AP2A2: variants seen among roughly 807,000 people sequenced by gnomAD.
The protein encoded by AP2A2 is AP-2 complex subunit alpha-2.
AP2A2 carries 32 observed loss-of-function variants against 104.2 expected under a neutral mutation model. That is an observed-to-expected ratio of 0.31 (90% confidence interval 0.23 to 0.41). The LOEUF is 0.41. AP2A2 is among the 10% of genes least tolerant of loss of function. The pLI is 1.00. For synonymous variants in AP2A2, 539 were observed against 533.3 expected, an observed-to-expected ratio of 1.01 and a Z score of -0.15; for missense variants, 912 against 1,261.0, an observed-to-expected ratio of 0.72 and a Z score of 4.19.
chr11:932,724 C>T (rs1264086557), intron 1 of AP2A2: 2 of 456,188 alleles, frequency 4.4e-6, no homozygotes, highest in Non-Finnish European at 8.8e-6. Flanking sequence ...GTGGTCACTG[C>T]TTCTGGGACA....
At chr11:949,530 A>G (rs1345239959) in intron 1 of AP2A2, among the ~76,000 whole-genome samples, 1 of 152,164 alleles carries the variant, frequency 6.6e-6, no homozygotes, top group Non-Finnish European at 1.5e-5. Flanking sequence ...TAATCCCAGC[A>G]CTTTCGGAGG....
At chr11:981,629 G>T (rs1855245401) in intron 6 of AP2A2, among the ~76,000 whole-genome samples, 1 of 152,248 alleles carries the variant, frequency 6.6e-6, no homozygotes, top group Non-Finnish European at 1.5e-5. Context: ...TCAGCTTCCT[G>T]TTCTGAGTTT....
At chr11:1,010,162 CCTCT>C in intron 21 of AP2A2, 1 of 469,738 alleles carries the variant, frequency 2.1e-6, no homozygotes, top group South Asian at 3.2e-5. Flanking sequence ...CCCAGCTGTT[CCTCT>C]CTGTCACCGC....
chr11:992,457 T>C lies in AP2A2; in HGVS notation c.1270-46T>C. On this transcript the variant is annotated intron_variant, in intron 10 of 21. Coordinates refer to ENST00000448903, the MANE Select transcript of AP2A2 (RefSeq NM_012305.4). This position sits in a 1 kb window ranked among gnomAD's most constrained non-coding sequence, Gnocchi z 6.4. ...TTGGACGACAGTTTGGTCTTGGGAT[T>C]GCCATGGCCTGCAGGTGCCGGCCCT... 6.5e-7 allele frequency: 1 copy of C among 1,547,028 alleles called. No individual in the cohort carries two copies. Among genetic ancestry groups the C allele is most frequent in the South Asian group, 1.2e-5 (1 of 84,254 alleles).
chr11:958,680 C>T (rs1356069886), intron 1 of AP2A2, among the ~76,000 whole-genome samples: 1 of 152,096 alleles, frequency 6.6e-6, no homozygotes, highest in African/African-American at 2.4e-5. Context: ...TAGTACCTAA[C>T]CATATTTGCT....
In AP2A2 at chr11:993,956, C is replaced by T; in HGVS notation, c.1753C>T (p.Leu585Phe). ...GCAGCGTGCTGTGGAGTACCTGCGGCTCAGCACCGTGGCCAGCACCGACAT... is the reference window on the plus strand; with the variant it reads ...GCAGCGTGCTGTGGAGTACCTGCGGTTCAGCACCGTGGCCAGCACCGACAT... ...LQQRAVEYLR[L>F]STVASTDILA... The change falls in exon 13 of 22, where the codon CTC becomes TTC. Residue 585 changes from leucine (L) to phenylalanine (F), a missense_variant. Physicochemically the swap from Leu to Phe is conservative, Grantham distance 22 (BLOSUM62 0). Coordinates refer to ENST00000448903, the MANE Select transcript of AP2A2 (RefSeq NM_012305.4). This position sits in a 1 kb window ranked among gnomAD's most constrained non-coding sequence, Gnocchi z 8.2. The T allele has an allele frequency of 6.2e-7, 1 of 1,612,362 alleles. No homozygotes were observed. The highest frequency in any genetic ancestry group is 8.5e-7 in the Non-Finnish European group (1 of 1,179,540).
intron 1 of AP2A2, among the ~76,000 whole-genome samples, chr11:947,812 G>A (rs546277756): frequency 1.3e-5 from 2 of 152,014 alleles, no homozygotes; most frequent in East Asian, 3.9e-4. Flanking sequence ...AAAAAAATTA[G>A]CCAGGCCCAG....
chr11:1,011,125 C>A lies in AP2A2; in HGVS notation c.*500C>A, dbSNP rs774513303. On this transcript the variant is annotated 3_prime_UTR_variant, in exon 22 of 22. Transcript: ENST00000448903. The stretch of plus-strand genomic sequence containing the variant: ...AGCTGACCCTGGTTTTGCTGCAGTC[C>A]CAGCTGGACTGTTTTCCCAGGCAGG... 1.0e-5 allele frequency: 6 copies of A among 572,716 alleles called. No individual in the cohort carries two copies. Among genetic ancestry groups the A allele is most frequent in the Non-Finnish European group, 2.0e-5 (6 of 295,532 alleles). 35.5% of individuals were successfully genotyped at this position (572,716 alleles called of 1,614,324 possible).
intron 6 of AP2A2, among the ~76,000 whole-genome samples, chr11:981,584 A>G (rs2133693169): frequency 6.6e-6 from 1 of 152,278 alleles, no homozygotes; most frequent in African/African-American, 2.4e-5. Flanking sequence ...TGCTTCGTGG[A>G]CCCACCATCT....
chr11:1,009,936 A>C (rs1856364304), intron 21 of AP2A2, 119 bp downstream of exon 21: 1 of 1,293,674 alleles, frequency 7.7e-7, no homozygotes, highest in African/African-American at 1.5e-5. Flanking sequence ...ATGTTGTTTA[A>C]CCACCACCCT....
chr11:944,888 G>A (rs936288515), intron 1 of AP2A2, among the ~76,000 whole-genome samples: 2 of 125,174 alleles, frequency 1.6e-5, no homozygotes, highest in Non-Finnish European at 3.3e-5. Context: ...AGGTTGGGGG[G>A]AATGAAGGTG....
chr11:990,158 C>G (rs1404010436), intron 10 of AP2A2, among the ~76,000 whole-genome samples: 1 of 152,206 alleles, frequency 6.6e-6, no homozygotes, highest in African/African-American at 2.4e-5. Context: ...CTGCAGAGAG[C>G]AGGGGCCAGG....
chr11:996,831 G>A (rs779988652), intron 14 of AP2A2, among the ~76,000 whole-genome samples: 12 of 128,818 alleles, frequency 9.3e-5, no homozygotes, highest in Admixed American at 4.6e-4. Context: ...ACGCAGCTCT[G>A]TTCTGAGCTG....
At chr11:974,000 A>G (rs1467832405) in intron 4 of AP2A2, among the ~76,000 whole-genome samples, 8 of 152,222 alleles carry the variant, frequency 5.3e-5, no homozygotes, top group Non-Finnish European at 7.3e-5. Flanking sequence ...GTGGGGCACT[A>G]CCTGAACCGA....
intron 5 of AP2A2, among the ~76,000 whole-genome samples, chr11:978,867 C>T (rs1440565626): frequency 6.6e-6 from 1 of 152,048 alleles, no homozygotes; most frequent in Middle Eastern, 3.2e-3. Flanking sequence ...GTCAGAAGGT[C>T]GGCGGTCAGG....
chr11:958,060 C>T (rs1005849651), intron 1 of AP2A2, among the ~76,000 whole-genome samples: 1 of 152,234 alleles, frequency 6.6e-6, no homozygotes, highest in African/African-American at 2.4e-5. Context: ...GCCCCAACCC[C>T]AGTGTGACTG....
chr11:939,659 G>A (rs955434449), intron 1 of AP2A2, among the ~76,000 whole-genome samples: 2 of 152,052 alleles, frequency 1.3e-5, no homozygotes, highest in African/African-American at 4.8e-5. Flanking sequence ...TGACCAGGCT[G>A]GTTTTGAACC....
intron 1 of AP2A2, among the ~76,000 whole-genome samples, chr11:950,582 C>T (rs1589957750): frequency 2.6e-5 from 4 of 151,940 alleles, no homozygotes; most frequent in South Asian, 2.1e-4. Context: ...CCACTGTGCC[C>T]GGTCTGGAAT....
At chr11:969,506 G>A (rs1454859327) in intron 2 of AP2A2, among the ~76,000 whole-genome samples, 1 of 152,180 alleles carries the variant, frequency 6.6e-6, no homozygotes, top group Middle Eastern at 3.4e-3. Context: ...GATTACAGGC[G>A]TGAGCCACCG....
Sources: gnomAD v4.1 joint callset for allele counts (sites outside exome capture counted in the v4.1 genomes callset) on GRCh38, gnomAD v4.1.1 for gene constraint, Gnocchi (gnomAD v3.1) non-coding constraint, MANE v1.5 for transcripts, NCBI Gene and HGNC (gene_info 2026-07-23, HGNC 2026-07-21) for gene names.